The following FLCN variants were observed in gnomAD, a reference collection of about 807,000 sequenced individuals.
FLCN encodes the protein folliculin, also known as BHD skin lesion fibrofolliculoma protein.
A neutral mutation model predicts 62.5 loss-of-function variants in FLCN; 22 were observed. The observed-to-expected ratio is 0.35, with a 90% confidence interval of 0.25 to 0.50. The LOEUF (loss-of-function observed/expected upper bound fraction) is 0.50. Among genes scored for constraint, FLCN ranks in the 20% least tolerant of loss-of-function variants. The pLI is 0.97. For missense variants in FLCN, 657 were observed against 778.0 expected (o/e 0.84, Z 1.85); for synonymous variants, 319 against 310.0 (o/e 1.03, Z -0.30).
rs186316793 is a variant in FLCN at position 17,223,437 on chromosome 17, G to A, written c.618+485C>T. Reference sequence around the variant, plus strand: ...TGGCTGCCGCTCTGCCTGCCAGGACGACCACAGCAAGCAGAGCCCCACTCT... The same window carrying A: ...TGGCTGCCGCTCTGCCTGCCAGGACAACCACAGCAAGCAGAGCCCCACTCT... On this transcript the variant is annotated intron_variant, in intron 6 of 13. Transcript: ENST00000285071. Among the ~76,000 whole-genome samples, 459 of 152,304 alleles carry A rather than the reference G, an allele frequency of 3.0e-3. 5 individuals carry two copies. Among genetic ancestry groups the A allele is most frequent in the South Asian group, 8.1e-3 (39 of 4,830 alleles).
At chr17:17,230,549 A>C (rs1373364505) in intron 3 of FLCN, among the ~76,000 whole-genome samples, 1 of 151,968 alleles carries the variant, frequency 6.6e-6, no homozygotes, top group East Asian at 1.9e-4. Flanking sequence ...CAAAAACAAC[A>C]AAAACAAAAC....
rs779449668 is a variant in FLCN at position 17,228,059 on chromosome 17, C to A, written c.79G>T (p.Ala27Ser). Residue 27 changes from alanine (A) to serine (S), a missense_variant, in exon 4 of 14, where the codon GCC (alanine) becomes TCC (serine). Coordinates refer to ENST00000285071, the MANE Select transcript of FLCN (RefSeq NM_144997.7). ...TTCCCATCCCCTTGAGGAAGTGGGGCGTGCAGCACCTCCGTGCAGAAGAGA... is the reference window on the plus strand; with the variant it reads ...TTCCCATCCCCTTGAGGAAGTGGGGAGTGCAGCACCTCCGTGCAGAAGAGA... ...RTLFCTEVLH[A>S]PLPQGDGNED... is the part of the protein sequence containing the mutation. 1.2e-6 allele frequency: 2 copies of A among 1,613,746 alleles called. No homozygotes were observed. The highest frequency in any genetic ancestry group is 1.7e-5 in the Admixed American group (1 of 60,026).
chr17:17,229,891 G>A (rs988821373), intron 3 of FLCN, among the ~76,000 whole-genome samples: 5 of 152,170 alleles, frequency 3.3e-5, no homozygotes, highest in African/African-American at 1.2e-4. Context: ...CTGCGATGCC[G>A]GCGGAACCAT....
At chr17:17,214,892 C>T (rs1462255628) in intron 13 of FLCN, 93 bp downstream of exon 13, 1 of 1,342,908 alleles carries the variant, frequency 7.4e-7, no homozygotes, top group Non-Finnish European at 1.1e-6. Flanking sequence ...CGGCTCCTCC[C>T]TCAGTGGCCA....
intron 1 of FLCN, among the ~76,000 whole-genome samples, chr17:17,233,360 G>T (rs1175264269): frequency 2.6e-5 from 4 of 152,018 alleles, no homozygotes; most frequent in African/African-American, 4.8e-5. Context: ...CACTTTGGGA[G>T]GCCGAGGTGG....
chr17:17,228,454 G>A, intron 3 of FLCN: 1 of 407,312 alleles, frequency 2.5e-6, no homozygotes, highest in East Asian at 4.6e-5. Context: ...GCGCTGGAAA[G>A]GAATGTCCTC....
chr17:17,231,585 C>G (rs1567829812), intron 3 of FLCN: 2 of 152,322 alleles, frequency 1.3e-5, no homozygotes, highest in African/African-American at 4.8e-5. Context: ...GCCCCCACCC[C>G]TGTTACGGAT....
chr17:17,234,020 G>C (rs2047503575), intron 1 of FLCN, among the ~76,000 whole-genome samples: 1 of 151,674 alleles, frequency 6.6e-6, no homozygotes, highest in African/African-American at 2.4e-5. Context: ...ACTGCATCCA[G>C]CCAAGTCCCC....
At chr17:17,226,084 C>A in intron 5 of FLCN, 92 bp downstream of exon 5, 1 of 1,565,576 alleles carries the variant, frequency 6.4e-7, no homozygotes, top group Non-Finnish European at 8.7e-7. Flanking sequence ...CCAGTGCCTG[C>A]CTCCCTGTGC....
chr17:17,235,862 G>C (rs2047568356), intron 1 of FLCN: 1 of 152,122 alleles, frequency 6.6e-6, no homozygotes, highest in African/African-American at 2.4e-5. Flanking sequence ...AAATGCCCTG[G>C]CTGACAGTCT....
At chr17:17,228,439 CA>C (rs1390039933) in intron 3 of FLCN, 14 of 434,962 alleles carry the variant, frequency 3.2e-5, no homozygotes, top group Non-Finnish European at 5.1e-5. Context: ...GCCACAAAGC[CA>C]ACGGCGCTGG....
intron 7 of FLCN, 135 bp from the exon 8 acceptor site, chr17:17,221,763 A>T: frequency 1.1e-6 from 1 of 923,646 alleles, no homozygotes; most frequent in Non-Finnish European, 1.7e-6. Context: ...AACCAGCCAG[A>T]TCCCGCATGC....
chr17:17,223,849 C>A (rs1265853525), intron 6 of FLCN, 73 bp downstream of exon 6: 1 of 1,527,386 alleles, frequency 6.5e-7, no homozygotes, highest in Non-Finnish European at 9.0e-7. Flanking sequence ...GTCTCCAGGC[C>A]TCAACCTCAG....
At position 17,216,702 on chromosome 17, in the gene FLCN, C is replaced by G. The variant is rs1367865284; in HGVS notation, c.1177-199G>C. On this transcript the variant is annotated intron_variant, in intron 10 of 13. Transcript: ENST00000285071. This position sits in a 1 kb window ranked among gnomAD's most constrained non-coding sequence, Gnocchi z 4.0. The stretch of plus-strand genomic sequence containing the variant: ...CCACCACCAGGTCCCTAACTCTTGT[C>G]TGGACCGCCAGTCACACACCAGCTT... Among the ~76,000 whole-genome samples, 1 of 152,206 alleles carries G rather than the reference C, an allele frequency of 6.6e-6. No individual in the cohort carries two copies. Among genetic ancestry groups the G allele is most frequent in the Non-Finnish European group, 1.5e-5 (1 of 68,034 alleles).
chr17:17,224,758 G>A (rs755286871), intron 5 of FLCN: 193 of 163,896 alleles, frequency 1.2e-3, no homozygotes, highest in Non-Finnish European at 2.3e-3. Flanking sequence ...GGCTGGTCTC[G>A]AACTCCTGAC....
intron 1 of FLCN, chr17:17,236,038 T>C (rs1233831405): frequency 2.6e-5 from 4 of 152,180 alleles, no homozygotes; most frequent in African/African-American, 9.7e-5. Context: ...GGTGTTCTCA[T>C]AGCACCGTGG....
intron 6 of FLCN, 42 bp downstream of exon 6, chr17:17,223,880 G>A (rs1295122017): frequency 6.2e-7 from 1 of 1,605,362 alleles, no homozygotes; most frequent in East Asian, 2.2e-5. Flanking sequence ...CTCATGCAGT[G>A]CAGGGCCCCC....
At chr17:17,234,806 T>C (rs1328780057) in intron 1 of FLCN, among the ~76,000 whole-genome samples, 3 of 151,100 alleles carry the variant, frequency 2.0e-5, no homozygotes, top group African/African-American at 4.9e-5. Flanking sequence ...TGAAACCCCA[T>C]CTCTACTAAA....
Position 17,231,068 on chromosome 17 carries a change from C to T in FLCN, c.-25+726G>A, listed in dbSNP as rs111372985. 3.6e-3 allele frequency among the ~76,000 whole-genome samples: 547 copies of T among 152,062 alleles called. 3 individuals carry two copies. Among genetic ancestry groups the T allele is most frequent in the African/African-American group, 0.013 (529 of 41,456 alleles). ...AAAAAAAATTAGCCAGGCATGGTGG[C>T]GCACACCTGTAGTCCCAGCTACTCA... On this transcript the variant is annotated intron_variant, in intron 3 of 13. Transcript: ENST00000285071.
Sources: allele counts gnomAD v4.1 joint callset (sites outside exome capture counted in the v4.1 genomes callset), GRCh38; gene constraint gnomAD v4.1.1; non-coding constraint Gnocchi (gnomAD v3.1); transcripts MANE v1.5; gene names NCBI Gene and HGNC (gene_info 2026-07-23, HGNC 2026-07-21).